ANKEF1: variants seen among roughly 807,000 people sequenced by gnomAD.
The protein encoded by ANKEF1 is ankyrin repeat and EF-hand domain containing 1.
In ANKEF1, 43 loss-of-function variants were observed where a neutral mutation model predicts 65.1. The ratio of observed to expected loss-of-function variants is 0.66; its 90% CI spans 0.52 to 0.85. The LOEUF is 0.85. ANKEF1 is among the 40% of genes least tolerant of loss of function. The pLI, the probability that ANKEF1 is intolerant of heterozygous loss-of-function variation, is 0.00. For synonymous variants in ANKEF1, 316 were observed against 341.5 expected, an observed-to-expected ratio of 0.93 and a Z score of 0.82; for missense variants, 934 against 952.9, an observed-to-expected ratio of 0.98 and a Z score of 0.26.
intron 8 of ANKEF1, among the ~76,000 whole-genome samples, chr20:10,052,211 CAG>C (rs371302157): frequency 1.5e-4 from 23 of 152,164 alleles, no homozygotes; most frequent in African/African-American, 4.8e-4. Flanking sequence ...ATTTTAATGA[CAG>C]AAAATTATAT....
In ANKEF1 at chr20:10,056,271, CAGCCCTAGATCGATAGCCCT is replaced by C. The variant is rs997492071; in HGVS notation, c.*622_*641del. 1.3e-5 allele frequency: 2 copies of C among 151,832 alleles called. No individual in the cohort carries two copies. The highest frequency in any genetic ancestry group is 4.9e-5 in the African/African-American group (2 of 41,186). 9.4% of individuals were successfully genotyped at this position (151,832 alleles called of 1,614,324 possible). On this transcript the variant is annotated 3_prime_UTR_variant, in exon 11 of 11. Transcript: ENST00000378392. ...TACCTTGGGTTGAATACACTTTTAA[CAGCCCTAGATCGATAGCCCT>C]AGCCCTAGATAGATAGCCCTAGCCC...
chr20:10,038,673 C>A, intron 3 of ANKEF1, 26 bp downstream of exon 3: 1 of 1,506,902 alleles, frequency 6.6e-7, no homozygotes, highest in Admixed American at 2.0e-5. Flanking sequence ...TCCTCTCCAG[C>A]AGATTGCAAT....
Position 10,044,535 on chromosome 20 carries a change from T to G in ANKEF1, c.688T>G (p.Phe230Val), listed in dbSNP as rs778841969. 7 of 1,613,776 alleles carry G rather than the reference T, an allele frequency of 4.3e-6. No individual in the cohort carries two copies. In the Admixed American group the frequency reaches 1.0e-4, roughly 23 times the overall value. The change falls in exon 5 of 11, where the codon TTT becomes GTT. Residue 230 changes from phenylalanine (F) to valine (V), a missense_variant. Coordinates refer to ENST00000378392, the MANE Select transcript of ANKEF1 (RefSeq NM_022096.6). ...HAAHFAAKGG[F>V]FDILKLLFAY... ...TGCTCATTTTGCTGCTAAAGGAGGC[T>G]TTTTCGATGTAATAATCTATTCTTT... is the stretch of plus-strand genomic sequence containing the variant.
intron 7 of ANKEF1, among the ~76,000 whole-genome samples, chr20:10,050,585 C>T (rs770691699): frequency 2.7e-5 from 4 of 145,990 alleles, no homozygotes; most frequent in African/African-American, 5.2e-5. Flanking sequence ...GCCTATAGAT[C>T]TTATATGGGA....
At position 10,057,919 on chromosome 20, in the gene ANKEF1, G is replaced by A. The variant is rs1985258093; in HGVS notation, c.*2259G>A. 1 of 152,048 alleles carries A rather than the reference G, an allele frequency of 6.6e-6. No individual in the cohort carries two copies. Among genetic ancestry groups the A allele is most frequent in the African/African-American group, 2.4e-5 (1 of 41,412 alleles). The allele number at this position is 152,048 out of a possible 1,614,324, so 9.4% of individuals were successfully genotyped here. On this transcript the variant is annotated 3_prime_UTR_variant, in exon 11 of 11. Coordinates refer to ENST00000378392, the MANE Select transcript of ANKEF1 (RefSeq NM_022096.6). Reference sequence around the variant, plus strand: ...TTTGTTTGTTTGTTTGTTTATGACAGTATATAAGAAGAACACAAGCCACTT... The same window carrying A: ...TTTGTTTGTTTGTTTGTTTATGACAATATATAAGAAGAACACAAGCCACTT...
chr20:10,040,141 T>G (rs1209450007), intron 3 of ANKEF1, among the ~76,000 whole-genome samples: 1 of 152,220 alleles, frequency 6.6e-6, no homozygotes, highest in Non-Finnish European at 1.5e-5. Context: ...AAATCTTGTT[T>G]CACACATAAG....
intron 9 of ANKEF1, among the ~76,000 whole-genome samples, chr20:10,053,704 C>A (rs1035350778): frequency 1.3e-5 from 2 of 152,084 alleles, no homozygotes; most frequent in African/African-American, 2.4e-5. Flanking sequence ...CTTTCATTGC[C>A]CACCACTTCC....
At position 10,055,761 on chromosome 20, in the gene ANKEF1, A is replaced by C; in HGVS notation, c.*101A>C. On this transcript the variant is annotated 3_prime_UTR_variant, in exon 11 of 11. Transcript: ENST00000378392. ...CAAAGCCAAAGCAATCCATACACCA[A>C]GAACTTGTTACCAAGAATTTCTTTT... The C allele has an allele frequency of 8.3e-7, 1 of 1,202,508 alleles. No homozygotes were observed. The highest frequency in any genetic ancestry group is 1.2e-6 in the Non-Finnish European group (1 of 843,924). 74.5% of individuals were successfully genotyped at this position (1,202,508 alleles called of 1,614,324 possible).
At chr20:10,045,974 A>G (rs942165327) in intron 6 of ANKEF1, among the ~76,000 whole-genome samples, 2 of 152,200 alleles carry the variant, frequency 1.3e-5, no homozygotes, top group African/African-American at 4.8e-5. Context: ...AATTATTCAA[A>G]TACTTATGGT....
chr20:10,042,045 T>C (rs913687469), intron 3 of ANKEF1, among the ~76,000 whole-genome samples: 1 of 152,208 alleles, frequency 6.6e-6, no homozygotes, highest in African/African-American at 2.4e-5. Context: ...TTCCCCTTCA[T>C]GGATTAGTTG....
In ANKEF1 at chr20:10,043,122, G is replaced by A. The variant is rs772907325; in HGVS notation, c.347G>A (p.Gly116Asp). 3 of 1,613,752 alleles carry A rather than the reference G, an allele frequency of 1.9e-6. No homozygotes were observed. The highest frequency in any genetic ancestry group is 1.7e-6 in the Non-Finnish European group (2 of 1,179,774). ...CTCTGGGGATTTTATTTCTCTGCAGGTGTTTTGTTTTACTGCATTTTACCG... is the reference window on the plus strand; with the variant it reads ...CTCTGGGGATTTTATTTCTCTGCAGATGTTTTGTTTTACTGCATTTTACCG... ...DMTIVDNEGK[G>D]VLFYCILPTK... The change falls in exon 4 of 11, where the codon GGT becomes GAT. Residue 116 changes from glycine to aspartate, a missense_variant and splice_region_variant. Transcript: ENST00000378392.
intron 4 of ANKEF1, 53 bp from the exon 5 acceptor site, chr20:10,044,341 A>C (rs1393079673): frequency 2.5e-6 from 4 of 1,580,756 alleles, no homozygotes. Context: ...TGATTCTGCT[A>C]CTTAATATGA....
intron 5 of ANKEF1, 29 bp from the exon 6 acceptor site, chr20:10,045,545 C>T: frequency 6.2e-7 from 1 of 1,609,770 alleles, no homozygotes; most frequent in East Asian, 2.2e-5. Flanking sequence ...ATTCCTATTC[C>T]TCCACAATAT....
chr20:10,045,381 G>A (rs1254226462), intron 5 of ANKEF1, among the ~76,000 whole-genome samples, 193 bp from the exon 6 acceptor site: 1 of 152,158 alleles, frequency 6.6e-6, no homozygotes, highest in Admixed American at 6.5e-5. Context: ...TGGCTTTTGA[G>A]TACTTTAAAT....
At chr20:10,036,584 G>T (rs934217567) in intron 2 of ANKEF1, among the ~76,000 whole-genome samples, 1 of 152,212 alleles carries the variant, frequency 6.6e-6, no homozygotes, top group Admixed American at 6.5e-5. Context: ...GCTCACGCCT[G>T]TAGTCCCAAC....
chr20:10,040,159 GGATGGCTGCCT>G (rs1346318530), intron 3 of ANKEF1, among the ~76,000 whole-genome samples: 1 of 152,178 alleles, frequency 6.6e-6, no homozygotes, highest in Non-Finnish European at 1.5e-5. Context: ...AAGCTTGTTA[GGATGGCTGCCT>G]GCAGCCCTCA....
Position 10,055,836 on chromosome 20 carries a change from T to C in ANKEF1, c.*176T>C, listed in dbSNP as rs56234782. ...TAGCTGTCTAGAGAAAAGATGTATG[T>C]TATTTTGAAATGAATGGTATGTCAT... is the stretch of plus-strand genomic sequence containing the variant. On this transcript the variant is annotated 3_prime_UTR_variant, in exon 11 of 11. Coordinates refer to ENST00000378392, the MANE Select transcript of ANKEF1 (RefSeq NM_022096.6). 7,089 of 630,474 alleles carry C rather than the reference T, an allele frequency of 0.011. 67 individuals carry two copies. The highest frequency in any genetic ancestry group is 0.015 in the Non-Finnish European group (5,481 of 370,732). The allele number at this position is 630,474 out of a possible 1,614,324, so 39.1% of individuals were successfully genotyped here.
rs937287843 is a variant in ANKEF1, at chr20:10,038,452, G to A, written c.151G>A (p.Ala51Thr). 6 of 1,614,088 alleles carry A rather than the reference G, an allele frequency of 3.7e-6. No homozygotes were observed. The highest frequency in any genetic ancestry group is 1.3e-5 in the African/African-American group (1 of 74,928). Reference protein sequence around the residue: ...NYTEPINGLSALHLASVSNDI... With the variant: ...NYTEPINGLSTLHLASVSNDI... ...TACAGAACCCATTAATGGACTTAGT[G>A]CTTTGCACTTAGCCTCAGTTTCCAA... The change falls in exon 3 of 11, where the codon GCT (alanine) becomes ACT (threonine). Residue 51 changes from alanine to threonine, a missense_variant. Physicochemically the swap from Ala to Thr is moderately conservative, Grantham distance 58. Transcript: ENST00000378392.
At chr20:10,047,056 A>G (rs988435859) in intron 6 of ANKEF1, among the ~76,000 whole-genome samples, 1 of 152,240 alleles carries the variant, frequency 6.6e-6, no homozygotes, top group Non-Finnish European at 1.5e-5. Context: ...ATGTATTTCT[A>G]AAAACTAAAG....
Sources: allele counts gnomAD v4.1 joint callset (sites outside exome capture counted in the v4.1 genomes callset), GRCh38; gene constraint gnomAD v4.1.1; transcripts MANE v1.5; gene names NCBI Gene and HGNC (gene_info 2026-07-23, HGNC 2026-07-21).